SRI: variants seen among roughly 807,000 people sequenced by gnomAD.
The protein encoded by SRI is sorcin.
Under a neutral mutation model 33.3 loss-of-function variants are expected in SRI, and 30 were observed. That is an observed-to-expected ratio of 0.90 (90% CI 0.67 to 1.22). The LOEUF is 1.22. Ranked by LOEUF, SRI falls within the 50% of genes most tolerant of loss-of-function variation. The probability of loss-of-function intolerance (pLI) is 0.00; values close to 1 mark genes in which losing one functional copy is unlikely to be tolerated. For missense variants in SRI, 243 were observed against 250.8 expected, an observed-to-expected ratio of 0.97 and a Z score of 0.21; for synonymous variants, 75 against 89.9, an observed-to-expected ratio of 0.83 and a Z score of 0.94.
chr7:88,224,872 A>G (rs992854433), upstream of SRI, among the ~76,000 whole-genome samples: 1 of 152,212 alleles, frequency 6.6e-6, no homozygotes, highest in Non-Finnish European at 1.5e-5. Flanking sequence ...ATGCCACACA[A>G]TAACTAATCA....
intron 1 of SRI, chr7:88,219,236 C>A (rs1239370780): frequency 2.5e-6 from 1 of 397,172 alleles, no homozygotes; most frequent in Admixed American, 3.8e-5. Flanking sequence ...TGAGTGCAAA[C>A]TAGGTAAGCC....
chr7:88,218,766 A>T, intron 2 of SRI, 93 bp downstream of exon 2: 1 of 1,208,396 alleles, frequency 8.3e-7, no homozygotes, highest in East Asian at 2.3e-5. Flanking sequence ...GGGACTCAGT[A>T]CCACAGGAAG....
intron 7 of SRI, among the ~76,000 whole-genome samples, chr7:88,207,519 G>A (rs200703361): frequency 6.9e-6 from 1 of 145,268 alleles, no homozygotes; most frequent in Non-Finnish European, 1.5e-5. Context: ...TTGTTTGTTT[G>A]TTTTTTGTTT....
At chr7:88,210,163 T>A (rs1851540342) in intron 4 of SRI, 33 bp from the exon 5 acceptor site, 2 of 1,613,286 alleles carry the variant, frequency 1.2e-6, no homozygotes, top group Non-Finnish European at 1.7e-6. Context: ...AGCTGTATTT[T>A]GCGATATTTT....
upstream of SRI, among the ~76,000 whole-genome samples, chr7:88,224,282 T>C (rs1022688808): frequency 6.6e-6 from 1 of 152,222 alleles, no homozygotes; most frequent in African/African-American, 2.4e-5. Flanking sequence ...GGAGAAAAGT[T>C]AATATAAAGC....
chr7:88,213,922 A>G, intron 3 of SRI, among the ~76,000 whole-genome samples: 1 of 152,230 alleles, frequency 6.6e-6, no homozygotes, highest in East Asian at 1.9e-4. Context: ...CATTAACTCA[A>G]CAGCCACTGT....
At position 88,219,540 on chromosome 7, in the gene SRI, T is replaced by TTTTG. The variant is rs373452972; in HGVS notation, c.51+432_51+435dup. The TTTTG allele has an allele frequency of 5.1e-3, 898 of 174,704 alleles. 13 individuals are homozygous for TTTTG. Among genetic ancestry groups the TTTTG allele is most frequent in the Middle Eastern group, 0.012 (5 of 420 alleles). 10.8% of individuals were successfully genotyped at this position (174,704 alleles called of 1,614,324 possible). A position where few individuals can be genotyped will look rare whatever the true frequency, so the allele number is the denominator to read the frequency against. ...TTTTCCGTCCCCCTTCTCACTCGTT[T>TTTTG]TTTGTTTGTTTGTTTGTTTGTTTGT... On this transcript the variant is annotated intron_variant, in intron 1 of 7. Transcript: ENST00000265729.
chr7:88,209,942 C>T (rs755149768), intron 5 of SRI, 41 bp downstream of exon 5: 2 of 1,613,610 alleles, frequency 1.2e-6, no homozygotes, highest in African/African-American at 1.3e-5. Flanking sequence ...AATCAACTTA[C>T]TTCTACCAAT....
Position 88,209,379 on chromosome 7 carries a change from G to A in SRI, c.471C>T (p.Asp157=), listed in dbSNP as rs183967956. The A allele has an allele frequency of 1.1e-4, 174 of 1,613,998 alleles. No individual in the cohort carries two copies. In the Admixed American group the frequency reaches 1.1e-3, roughly 10 times the overall value. ...GTTTGACGCAGCAGGCGATGTAGTC[G>A]TCGAAGGTGATCTTTCCATTGGTGC... ...RYSTNGKITF[D]DYIACCVKLR... is the part of the protein sequence containing the mutation. Residue 157 remains aspartate, a synonymous_variant, in exon 6 of 8, where the codon GAC becomes GAT. Coordinates refer to ENST00000265729, the MANE Select transcript of SRI (RefSeq NM_003130.4).
intron 3 of SRI, chr7:88,214,817 T>C: frequency 8.7e-7 from 1 of 1,149,218 alleles, no homozygotes; most frequent in Non-Finnish European, 1.1e-6. Flanking sequence ...TCTTCTCTTC[T>C]GTTCATTCTA....
At chr7:88,217,292 CTTT>C in intron 2 of SRI, 101 bp from the exon 3 acceptor site, 1 of 999,948 alleles carries the variant, frequency 1.0e-6, no homozygotes. Context: ...AAATCAGTAT[CTTT>C]TTTTTATTTA....
At chr7:88,209,851 GGCAA>G in intron 5 of SRI, 128 bp downstream of exon 5, 1 of 1,202,208 alleles carries the variant, frequency 8.3e-7, no homozygotes, top group Non-Finnish European at 1.2e-6. Context: ...CCCGAGCTCA[GGCAA>G]TCCACCCTCC....
intron 5 of SRI, 102 bp downstream of exon 5, chr7:88,209,881 G>A: frequency 6.7e-7 from 1 of 1,498,570 alleles, no homozygotes; most frequent in Non-Finnish European, 9.3e-7. Context: ...CTCCCAAAGT[G>A]CTGGGATTAC....
upstream of SRI, chr7:88,220,204 C>A: frequency 7.6e-7 from 1 of 1,313,104 alleles, no homozygotes; most frequent in South Asian, 2.1e-5. Context: ...CCTGCCTGCG[C>A]GCTTCTTCGT....
At chr7:88,221,010 T>G (rs1213880927), upstream of SRI, among the ~76,000 whole-genome samples, 1 of 152,188 alleles carries the variant, frequency 6.6e-6, no homozygotes. Context: ...TGACAGAAAA[T>G]TGCTTGCCCT....
Position 88,208,475 on chromosome 7 carries a change from A to G in SRI, c.570+32T>C, listed in dbSNP as rs762991524. ...TACCCATCTGGTGTACATCCTTTTC[A>G]TCTACTGTATCTCTTAATTTCTAAG... On this transcript the variant is annotated intron_variant, in intron 7 of 7. Transcript: ENST00000265729. 17 of 1,612,542 alleles carry G rather than the reference A, an allele frequency of 1.1e-5. No homozygotes were observed. The African/African-American group carries it at 2.3e-4, about 22-fold the overall frequency.
chr7:88,220,063 G>C (rs1208035839), upstream of SRI: 7 of 1,501,816 alleles, frequency 4.7e-6, no homozygotes, highest in Middle Eastern at 2.3e-4. Flanking sequence ...CGCCCTGTGC[G>C]CCAGGCCTCT....
Position 88,210,143 on chromosome 7 carries a change from C to A in SRI, c.250-13G>T. ...CAGACATATCTCTCTGAACTGTAAT[C>A]AAGGATTAGAGCTGTATTTTGCGAT... On this transcript the variant is annotated splice_polypyrimidine_tract_variant and intron_variant, in intron 4 of 7. Transcript: ENST00000265729. 6.2e-7 allele frequency: 1 copy of A among 1,613,750 alleles called. No individual in the cohort carries two copies. Among genetic ancestry groups the A allele is most frequent in the Non-Finnish European group, 8.5e-7 (1 of 1,179,862 alleles).
Position 88,210,336 on chromosome 7 carries a change from T to TAA in SRI, c.250-208_250-207dup, listed in dbSNP as rs553467637. The TAA allele has an allele frequency of 9.1e-4, 559 of 614,114 alleles. 5 individuals carry two copies. The East Asian group carries it at 0.016, about 18-fold the overall frequency. 38.0% of individuals were successfully genotyped at this position (614,114 alleles called of 1,614,324 possible). ...GCCAATTTTTACTGTGGGGAAAAGA[T>TAA]AACTTACATGACTTGATTATAAGGA... On this transcript the variant is annotated intron_variant, in intron 4 of 7. Transcript: ENST00000265729.
Sources: gnomAD v4.1 joint callset for allele counts (sites outside exome capture counted in the v4.1 genomes callset) on GRCh38, gnomAD v4.1.1 for gene constraint, MANE v1.5 for transcripts, NCBI Gene and HGNC (gene_info 2026-07-23, HGNC 2026-07-21) for gene names.